HECW1: variants seen among roughly 807,000 people sequenced by gnomAD.
The protein encoded by HECW1 is E3 ubiquitin-protein ligase HECW1.
HECW1 carries 61 observed loss-of-function variants against 182.3 expected under a neutral mutation model. That is an observed-to-expected ratio of 0.33 (90% confidence interval 0.27 to 0.41). HECW1 has a LOEUF of 0.41. Ranked by LOEUF, HECW1 falls within the 10% of genes least tolerant of loss-of-function variation. The pLI is 1.00. For missense variants in HECW1, 1,739 were observed against 2,108.9 expected (o/e 0.82, Z 3.44); for synonymous variants, 859 against 832.6 (o/e 1.03, Z -0.55).
rs747960383 is a variant in HECW1, at chr7:43,445,398, G to A, written c.2226G>A (p.Glu742=). 2.5e-6 allele frequency: 4 copies of A among 1,613,626 alleles called. No individual in the cohort carries two copies. Among genetic ancestry groups the A allele is most frequent in the Non-Finnish European group, 2.5e-6 (3 of 1,180,002 alleles). ...CCTCGCAAGACGACGAGGAGGAGGA[G>A]AACAGCGCGTTCGAGTCGGTACCCG... is the stretch of plus-strand genomic sequence containing the variant. ...VFSSQDDEEE[E]NSAFESVPDS... The change falls in exon 11 of 30, where the codon GAG becomes GAA. Residue 742 remains glutamate, a synonymous_variant. Transcript: ENST00000395891.
chr7:43,495,139 G>C (rs1012877391), intron 19 of HECW1, among the ~76,000 whole-genome samples: 1 of 152,062 alleles, frequency 6.6e-6, no homozygotes, highest in Non-Finnish European at 1.5e-5. Flanking sequence ...ATACTTCTAA[G>C]TTCTGGGATA....
chr7:43,474,087 A>G (rs558321657), intron 16 of HECW1, among the ~76,000 whole-genome samples: 1 of 152,286 alleles, frequency 6.6e-6, no homozygotes, highest in South Asian at 2.1e-4. Context: ...ATATTAATAT[A>G]GTGTGAAGAC....
intron 16 of HECW1, among the ~76,000 whole-genome samples, chr7:43,476,263 T>TA (rs1439099154): frequency 6.6e-5 from 10 of 152,286 alleles, no homozygotes; most frequent in African/African-American, 2.4e-4. Context: ...TAGGAAAAGA[T>TA]ACACTCAGAA....
intron 2 of HECW1, among the ~76,000 whole-genome samples, chr7:43,178,743 G>C (rs1347814154): frequency 1.3e-5 from 2 of 152,214 alleles, no homozygotes; most frequent in Non-Finnish European, 2.9e-5. Context: ...TGGGCAGCAA[G>C]GGGGACTGTA....
chr7:43,376,435 C>A (rs936827650), intron 6 of HECW1, among the ~76,000 whole-genome samples: 2 of 152,150 alleles, frequency 1.3e-5, no homozygotes, highest in Admixed American at 6.5e-5. Context: ...ATTCTCCAGG[C>A]CATTGGACAC....
intron 2 of HECW1, among the ~76,000 whole-genome samples, chr7:43,123,355 CTG>C (rs1197623392): frequency 6.6e-6 from 1 of 152,148 alleles, no homozygotes; most frequent in Non-Finnish European, 1.5e-5. Flanking sequence ...TTTACCAAAA[CTG>C]AGTGTACCTG....
At chr7:43,138,441 G>A (rs370563502) in intron 2 of HECW1, among the ~76,000 whole-genome samples, 3 of 152,162 alleles carry the variant, frequency 2.0e-5, no homozygotes, top group East Asian at 1.9e-4. Context: ...AGGAACCACC[G>A]GGTGGTTTTC....
chr7:43,552,603 A>G (rs908748585), intron 28 of HECW1, among the ~76,000 whole-genome samples: 2 of 152,084 alleles, frequency 1.3e-5, no homozygotes, highest in African/African-American at 2.4e-5. Flanking sequence ...GCAACCATCA[A>G]TCTGCCTTCT....
intron 5 of HECW1, among the ~76,000 whole-genome samples, chr7:43,349,455 T>C (rs934702891): frequency 3.3e-5 from 5 of 152,232 alleles, no homozygotes; most frequent in African/African-American, 1.2e-4. Flanking sequence ...CAGTGAAGTA[T>C]TGAAGTTCCC....
chr7:43,114,296 A>G lies in HECW1; in HGVS notation c.-127A>G, dbSNP rs1000091936. 1.6e-5 allele frequency: 22 copies of G among 1,363,722 alleles called. No homozygotes were observed. The highest frequency in any genetic ancestry group is 4.4e-5 in the Admixed American group (2 of 45,786). 84.5% of individuals were successfully genotyped at this position (1,363,722 alleles called of 1,614,324 possible). On this transcript the variant is annotated 5_prime_UTR_variant, in exon 2 of 30. Coordinates refer to ENST00000395891, the MANE Select transcript of HECW1 (RefSeq NM_015052.5). ...GCCCTACCCGAAAAGGCCAACCGTT[A>G]AAGACCCCGGCAGTGTTGTGGTCCA... is the stretch of plus-strand genomic sequence containing the variant.
chr7:43,483,894 A>G (rs929208376), intron 17 of HECW1, among the ~76,000 whole-genome samples: 2 of 152,134 alleles, frequency 1.3e-5, no homozygotes, highest in African/African-American at 4.8e-5. Context: ...CAAGAAGAGG[A>G]AGGGCTGTGG....
intron 6 of HECW1, among the ~76,000 whole-genome samples, chr7:43,375,128 ACTC>A (rs2074274277): frequency 6.6e-6 from 1 of 152,190 alleles, no homozygotes; most frequent in African/African-American, 2.4e-5. Flanking sequence ...CATTGAATTT[ACTC>A]CAAAAGGAGC....
In HECW1 at chr7:43,396,830, G is replaced by A. The variant is rs763572809; in HGVS notation, c.572G>A (p.Gly191Asp). The change falls in exon 7 of 30, where the codon GGT (glycine) becomes GAT (aspartate). Residue 191 changes from glycine to aspartate, a missense_variant. This residue lies in a region of HECW1 where 279 missense variants were observed against 353.1 expected (regional missense o/e 0.79). Coordinates refer to ENST00000395891, the MANE Select transcript of HECW1 (RefSeq NM_015052.5). The stretch of plus-strand genomic sequence containing the variant: ...TTTTTACAGATTTTTAAAAGCATTG[G>A]TGCTGATGAGACCGTCCAAGGACAA... ...NSAAPIFKSI[G>D]ADETVQGQGS... 1.2e-6 allele frequency: 2 copies of A among 1,612,432 alleles called. No homozygotes were observed. The highest frequency in any genetic ancestry group is 1.7e-6 in the Non-Finnish European group (2 of 1,179,476).
At chr7:43,499,221 T>C (rs1172777916) in intron 19 of HECW1, among the ~76,000 whole-genome samples, 2 of 152,110 alleles carry the variant, frequency 1.3e-5, no homozygotes, top group East Asian at 1.9e-4. Context: ...AGGTTGGGGC[T>C]TCAGTGAGCT....
intron 2 of HECW1, among the ~76,000 whole-genome samples, chr7:43,217,435 A>G (rs896524136): frequency 1.3e-5 from 2 of 152,224 alleles, no homozygotes; most frequent in African/African-American, 4.8e-5. Context: ...TAACTAGGGT[A>G]GGTGTTGGAT....
At chr7:43,203,735 T>A (rs972239909) in intron 2 of HECW1, among the ~76,000 whole-genome samples, 1 of 152,348 alleles carries the variant, frequency 6.6e-6, no homozygotes. Context: ...TGGTCACTGG[T>A]GGTAGCCACC....
chr7:43,456,271 C>G (rs748869911), intron 12 of HECW1, 26 bp from the exon 13 acceptor site: 1 of 1,538,824 alleles, frequency 6.5e-7, no homozygotes, highest in African/African-American at 1.6e-5. Flanking sequence ...CTTGATTTTT[C>G]TTTTTGCCTT....
At chr7:43,155,361 G>A (rs944887836) in intron 2 of HECW1, among the ~76,000 whole-genome samples, 1 of 152,162 alleles carries the variant, frequency 6.6e-6, no homozygotes, top group African/African-American at 2.4e-5. Context: ...GCAACTGGAA[G>A]TTGGAGGGGA....
chr7:43,336,124 T>TTCTCTCTCTCTCTCTC lies in HECW1; in HGVS notation c.460+15386_460+15401dup, dbSNP rs1233029672. Among the ~76,000 whole-genome samples, 38 of 64,296 alleles carry TTCTCTCTCTCTCTCTC rather than the reference T, an allele frequency of 5.9e-4. 2 individuals are homozygous for TTCTCTCTCTCTCTCTC. Among genetic ancestry groups the TTCTCTCTCTCTCTCTC allele is most frequent in the African/African-American group, 2.2e-3 (30 of 13,784 alleles). 42.2% of individuals were successfully genotyped at this position (64,296 alleles called of 152,430 possible). A position where few individuals can be genotyped will look rare whatever the true frequency, so the allele number is the denominator to read the frequency against. On this transcript the variant is annotated intron_variant, in intron 5 of 29. Transcript: ENST00000395891. ...CTTTCTTCTTTCTTTCTTTCTTTCT[T>TTCTCTCTCTCTCTCTC]TCTCTCTCTCTCTCTCTCTTTCTCT... is the stretch of plus-strand genomic sequence containing the variant.
Sources: gnomAD v4.1 joint callset for allele counts (sites outside exome capture counted in the v4.1 genomes callset) on GRCh38, gnomAD v4.1.1 for gene constraint, gnomAD v4.1.1 regional missense constraint, MANE v1.5 for transcripts, NCBI Gene and HGNC (gene_info 2026-07-23, HGNC 2026-07-21) for gene names.